Variants in LIG3 observed in about 807,000 individuals in gnomAD.
LIG3 encodes DNA ligase 3, also known as ligase II, DNA, ATP-dependent.
Under a neutral mutation model 110.9 loss-of-function variants are expected in LIG3, and 58 were observed. The observed-to-expected ratio is 0.52, with a 90% CI of 0.42 to 0.65. LIG3 has a LOEUF of 0.65. Ranked by LOEUF, LIG3 falls within the 30% of genes least tolerant of loss-of-function variation. The pLI, the probability that LIG3 is intolerant of heterozygous loss-of-function variation, is 0.00. For missense variants in LIG3, 1,094 were observed against 1,273.8 expected, an observed-to-expected ratio of 0.86 and a Z score of 2.15; for synonymous variants, 422 against 472.8, an observed-to-expected ratio of 0.89 and a Z score of 1.39.
intron 9 of LIG3, among the ~76,000 whole-genome samples, chr17:34,995,205 C>T (rs2090765725): frequency 6.6e-6 from 1 of 152,206 alleles, no homozygotes; most frequent in South Asian, 2.1e-4. Context: ...TTACCTCAGC[C>T]TTGCCTTCCT....
At chr17:34,990,896 CTTCT>C in intron 4 of LIG3, 63 bp from the exon 5 acceptor site, 1 of 1,526,478 alleles carries the variant, frequency 6.6e-7, no homozygotes, top group Non-Finnish European at 9.0e-7. Flanking sequence ...CTTGCCCAGC[CTTCT>C]TTGAGTTTAT....
intron 3 of LIG3, among the ~76,000 whole-genome samples, chr17:34,987,286 T>A (rs1284075426): frequency 6.6e-6 from 1 of 152,258 alleles, no homozygotes; most frequent in Non-Finnish European, 1.5e-5. Context: ...GGGGCTTTTA[T>A]ATATGTAGTT....
In LIG3 at chr17:35,005,671, G is replaced by A; in HGVS notation, c.*1165G>A. 3.5e-6 allele frequency: 2 copies of A among 564,766 alleles called. No homozygotes were observed. The highest frequency in any genetic ancestry group is 1.4e-5 in the South Asian group (1 of 72,764). 35.0% of individuals were successfully genotyped at this position (564,766 alleles called of 1,614,324 possible). On this transcript the variant is annotated 3_prime_UTR_variant, in exon 20 of 20. Coordinates refer to ENST00000378526, the MANE Select transcript of LIG3 (RefSeq NM_013975.4). ...TTTCTTCTATTCATTGGATTCGTCT[G>A]TGTCCTACTGAGTTTTTTCATGGCT... is the stretch of plus-strand genomic sequence containing the variant.
rs1475985286 is a variant in LIG3, at chr17:35,009,072, A to G, written c.*4566A>G. The G allele has an allele frequency of 6.6e-6, 1 of 152,620 alleles. No homozygotes were observed. The highest frequency in any genetic ancestry group is 2.4e-5 in the African/African-American group (1 of 41,440). The allele number at this position is 152,620 out of a possible 1,614,324, so 9.5% of individuals were successfully genotyped here. A position where few individuals can be genotyped will look rare whatever the true frequency, so the allele number is the denominator to read the frequency against. ...TGAACCACTGTCAGGCTCTTTTGTC[A>G]GTCCTATCAACCTCTAACATCCTCG... On this transcript the variant is annotated 3_prime_UTR_variant, in exon 20 of 20. Transcript: ENST00000378526.
rs994901053 is a variant in LIG3 at position 35,009,213 on chromosome 17, A to G, written c.*4707A>G. 1 of 152,658 alleles carries G rather than the reference A, an allele frequency of 6.6e-6. No individual in the cohort carries two copies. The highest frequency in any genetic ancestry group is 1.5e-5 in the Non-Finnish European group (1 of 68,030). The allele number at this position is 152,658 out of a possible 1,614,324, so 9.5% of individuals were successfully genotyped here. A position where few individuals can be genotyped will look rare whatever the true frequency, so the allele number is the denominator to read the frequency against. On this transcript the variant is annotated 3_prime_UTR_variant, in exon 20 of 20. Coordinates refer to ENST00000378526, the MANE Select transcript of LIG3 (RefSeq NM_013975.4). ...TTAACCTCCAAGTAAGTCTGAGAAA[A>G]TCTTAATAAAAGCCACTTGAAGTAA...
At chr17:34,998,525 G>C in intron 13 of LIG3, 79 bp from the exon 14 acceptor site, 1 of 1,548,676 alleles carries the variant, frequency 6.5e-7, no homozygotes, top group Non-Finnish European at 8.8e-7. Context: ...GCTAGATCTG[G>C]TGTGTAGCAG....
At position 34,998,289 on chromosome 17, in the gene LIG3, A is replaced by G. The variant is rs780508637; in HGVS notation, c.1982A>G (p.Asp661Gly). ...QEGLEGLVLKDVKGTYEPGKR... is the reference protein window; with the variant it reads ...QEGLEGLVLKGVKGTYEPGKR... Reference sequence around the variant, plus strand: ...GGATTGGAGGGGCTGGTGCTGAAGGATGTGAAGGTAAAGTGGCCTCGCTTG... The same window carrying G: ...GGATTGGAGGGGCTGGTGCTGAAGGGTGTGAAGGTAAAGTGGCCTCGCTTG... Residue 661 changes from aspartate to glycine, a missense_variant, in exon 13 of 20, where the codon GAT (aspartate) becomes GGT (glycine). By Grantham distance (94) the Asp-to-Gly change is moderately conservative. Coordinates refer to ENST00000378526, the MANE Select transcript of LIG3 (RefSeq NM_013975.4). 1 of 1,612,792 alleles carries G rather than the reference A, an allele frequency of 6.2e-7. No individual in the cohort carries two copies. The highest frequency in any genetic ancestry group is 1.3e-5 in the African/African-American group (1 of 74,972).
chr17:34,992,130 G>T (rs2090728684), intron 7 of LIG3, 95 bp downstream of exon 7: 1 of 1,057,914 alleles, frequency 9.5e-7, no homozygotes, highest in South Asian at 1.3e-5. Flanking sequence ...GTCAGGATTT[G>T]AATCCCCCTT....
Position 34,985,970 on chromosome 17 carries a change from T to G in LIG3, c.548-18T>G, listed in dbSNP as rs761234242. The G allele has an allele frequency of 6.2e-7, 1 of 1,609,206 alleles. No homozygotes were observed. The highest frequency in any genetic ancestry group is 8.5e-7 in the Non-Finnish European group (1 of 1,177,558). ...TCGTTCACTGAAGGATATTTTATAC[T>G]CTTTTGGGATCCTACAGATCTGTCT... On this transcript the variant is annotated intron_variant, in intron 2 of 19. Transcript: ENST00000378526.
intron 10 of LIG3, 94 bp downstream of exon 10, chr17:34,996,289 C>A: frequency 7.2e-7 from 1 of 1,380,976 alleles, no homozygotes; most frequent in Non-Finnish European, 1.0e-6. Flanking sequence ...GAGGAAATAT[C>A]CCTTAGTGTG....
In LIG3 at chr17:35,002,065, A is replaced by C; in HGVS notation, c.2635A>C (p.Lys879Gln). 1 of 1,596,230 alleles carries C rather than the reference A, an allele frequency of 6.3e-7. No homozygotes were observed. Among genetic ancestry groups the C allele is most frequent in the Non-Finnish European group, 8.5e-7 (1 of 1,173,264 alleles). Residue 879 changes from lysine (K) to glutamine (Q), a missense_variant, in exon 18 of 20, where the codon AAA (lysine) becomes CAA (glutamine). Lys to Gln is a moderately conservative substitution (Grantham distance 53). Transcript: ENST00000378526. ...CAGCAAGCCCTCAGCCAGTACCAAG[A>C]AAGCAGAAGGGAAGCTGAGTAACTC... ...APSKPSASTK[K>Q]AEGKLSNSNS...
chr17:35,003,140 G>T, intron 19 of LIG3: 1 of 1,573,092 alleles, frequency 6.4e-7, no homozygotes, highest in Non-Finnish European at 8.6e-7. Context: ...GACCAGTCTG[G>T]GTGTGGGAAT....
downstream of LIG3, chr17:35,009,844 G>C (rs1338492205): frequency 1.3e-5 from 2 of 152,648 alleles, no homozygotes; most frequent in African/African-American, 2.4e-5. Context: ...CTAGATCTTA[G>C]CTGAATTGCA....
chr17:35,003,130 GA>G lies in LIG3; in HGVS notation c.2796+342del, dbSNP rs2090862468. The G allele has an allele frequency of 2.5e-6, 4 of 1,591,288 alleles. No homozygotes were observed. The African/African-American group carries it at 5.4e-5, about 21-fold the overall frequency. ...GTCAAAATTTACATTAAAGGGAAAA[GA>G]CCAGTCTGGGTGTGGGAATGCAGCA... On this transcript the variant is annotated intron_variant, in intron 19 of 19. Transcript: ENST00000378526.
intron 12 of LIG3, 121 bp downstream of exon 12, chr17:34,997,946 T>C: frequency 1.2e-6 from 1 of 800,350 alleles, no homozygotes; most frequent in Admixed American, 2.1e-5. Context: ...CCTGATAATG[T>C]TGGCCTTTGA....
chr17:34,994,749 C>T (rs979843500), intron 9 of LIG3, among the ~76,000 whole-genome samples: 2 of 152,112 alleles, frequency 1.3e-5, no homozygotes, highest in African/African-American at 4.8e-5. Flanking sequence ...GTTTCCATGT[C>T]CCAGATGCTT....
rs957512944 is a variant in LIG3, at chr17:35,006,821, C to G, written c.*2315C>G. ...CCCCCTGGCCACCCCACCGCCCCCC[C>G]CCAACTTTGATCTGATTGACTTTGG... is the stretch of plus-strand genomic sequence containing the variant. On this transcript the variant is annotated 3_prime_UTR_variant, in exon 20 of 20. Coordinates refer to ENST00000378526, the MANE Select transcript of LIG3 (RefSeq NM_013975.4). 5 of 152,520 alleles carry G rather than the reference C, an allele frequency of 3.3e-5. No homozygotes were observed. Among genetic ancestry groups the G allele is most frequent in the Non-Finnish European group, 7.3e-5 (5 of 68,398 alleles). The allele number at this position is 152,520 out of a possible 1,614,324, so 9.4% of individuals were successfully genotyped here.
chr17:34,992,391 A>G, intron 7 of LIG3, 133 bp from the exon 8 acceptor site: 1 of 1,035,954 alleles, frequency 9.7e-7, no homozygotes, highest in Non-Finnish European at 1.4e-6. Context: ...CTCTTGTGAA[A>G]GTCTTTAGAC....
At chr17:35,001,217 C>A in intron 16 of LIG3, 40 bp from the exon 17 acceptor site, 1 of 1,602,638 alleles carries the variant, frequency 6.2e-7, no homozygotes, top group East Asian at 2.2e-5. Context: ...CTGATACTAT[C>A]TTCTTAACCA....
Sources: allele counts gnomAD v4.1 joint callset (sites outside exome capture counted in the v4.1 genomes callset), GRCh38; gene constraint gnomAD v4.1.1; transcripts MANE v1.5; gene names NCBI Gene and HGNC (gene_info 2026-07-23, HGNC 2026-07-21).